Variants in CEP43 observed in about 807,000 individuals in gnomAD.
The protein encoded by CEP43 is centrosomal protein 43.
CEP43 carries 36 observed loss-of-function variants against 52.6 expected under a neutral mutation model. The ratio of observed to expected loss-of-function variants is 0.68; its 90% CI spans 0.52 to 0.90. The LOEUF (loss-of-function observed/expected upper bound fraction) is 0.90, where lower values mean the gene tolerates loss of function less well. CEP43 is among the 40% of genes least tolerant of loss of function. The pLI is 0.00. For missense variants in CEP43, 506 were observed against 472.8 expected, an observed-to-expected ratio of 1.07 and a Z score of -0.65; for synonymous variants, 192 against 172.4, an observed-to-expected ratio of 1.11 and a Z score of -0.89.
rs1297966234 is a variant in CEP43 at position 167,041,560 on chromosome 6, C to T, written c.*1582C>T. Reference sequence around the variant, plus strand: ...AGTCATCTCTGTAAACAGTCACTTTCTAAAAGCACTATAGTTCTGGTCCCC... The same window carrying T: ...AGTCATCTCTGTAAACAGTCACTTTTTAAAAGCACTATAGTTCTGGTCCCC... On this transcript the variant is annotated 3_prime_UTR_variant, in exon 13 of 13. Coordinates refer to ENST00000366847, the MANE Select transcript of CEP43 (RefSeq NM_007045.4). 9.5e-6 allele frequency: 10 copies of T among 1,049,858 alleles called. No homozygotes were observed. The highest frequency in any genetic ancestry group is 1.2e-5 in the Non-Finnish European group (10 of 869,566). 65.0% of individuals were successfully genotyped at this position (1,049,858 alleles called of 1,614,324 possible). A position where few individuals can be genotyped will look rare whatever the true frequency, so the allele number is the denominator to read the frequency against.
Position 167,044,424 on chromosome 6 carries a change from A to G in CEP43, c.*4446A>G. 1 of 985,418 alleles carries G rather than the reference A, an allele frequency of 1.0e-6. No homozygotes were observed. The highest frequency in any genetic ancestry group is 1.2e-6 in the Non-Finnish European group (1 of 829,920). 61.0% of individuals were successfully genotyped at this position (985,418 alleles called of 1,614,324 possible). On this transcript the variant is annotated 3_prime_UTR_variant, in exon 13 of 13. Coordinates refer to ENST00000366847, the MANE Select transcript of CEP43 (RefSeq NM_007045.4). ...GTTTAGCAAGAAGACCAAGATGACA[A>G]GATGCGCCAGGAGACTTGGCCAGAG...
Position 167,010,882 on chromosome 6 carries a change from A to T in CEP43, c.508A>T (p.Thr170Ser). The change falls in exon 6 of 13, where the codon ACA becomes TCA. Residue 170 changes from threonine to serine, a missense_variant. Physicochemically the swap from Thr to Ser is moderately conservative, Grantham distance 58 (BLOSUM62 1). Coordinates refer to ENST00000366847, the MANE Select transcript of CEP43 (RefSeq NM_007045.4). ...AGAGGGAAAAACAAGTGCACAGACA[A>T]CACCAAGTAAGGTGAGTTAGCTGTG... Reference protein sequence around the residue: ...SPEGKTSAQTTPSKIPRYKGQ... With the variant: ...SPEGKTSAQTSPSKIPRYKGQ... 6.3e-7 allele frequency: 1 copy of T among 1,594,710 alleles called. No homozygotes were observed. The highest frequency in any genetic ancestry group is 8.5e-7 in the Non-Finnish European group (1 of 1,170,284).
At position 167,048,678 on chromosome 6, in the gene CEP43, C is replaced by A. The variant is rs537565277; in HGVS notation, c.*8700C>A. On this transcript the variant is annotated 3_prime_UTR_variant, in exon 13 of 13. Transcript: ENST00000366847. ...AATTACTGAAGGGGAAGACACCATG[C>A]AAATACATGGTAAAAATATTCAAAT... 38 of 152,236 alleles carry A rather than the reference C, an allele frequency of 2.5e-4. No homozygotes were observed. Among genetic ancestry groups the A allele is most frequent in the African/African-American group, 8.9e-4 (37 of 41,536 alleles). 9.4% of individuals were successfully genotyped at this position (152,236 alleles called of 1,614,324 possible). A position where few individuals can be genotyped will look rare whatever the true frequency, so the allele number is the denominator to read the frequency against.
rs1292071936 is a variant in CEP43, at chr6:167,041,041, A to G, written c.*1063A>G. 1 of 1,030,338 alleles carries G rather than the reference A, an allele frequency of 9.7e-7. No homozygotes were observed. Among genetic ancestry groups the G allele is most frequent in the East Asian group, 6.2e-5 (1 of 16,192 alleles). 63.8% of individuals were successfully genotyped at this position (1,030,338 alleles called of 1,614,324 possible). A position where few individuals can be genotyped will look rare whatever the true frequency, so the allele number is the denominator to read the frequency against. On this transcript the variant is annotated 3_prime_UTR_variant, in exon 13 of 13. Coordinates refer to ENST00000366847, the MANE Select transcript of CEP43 (RefSeq NM_007045.4). ...TAGAAAAAACAGTAGAAAGTGATGC[A>G]TGCATATTTATATATAAGTAAAGCA...
intron 5 of CEP43, 62 bp downstream of exon 5, chr6:167,004,463 C>A: frequency 7.1e-7 from 1 of 1,406,830 alleles, no homozygotes; most frequent in Non-Finnish European, 9.6e-7. Flanking sequence ...TTTAGCCATG[C>A]AGATTAGTGC....
chr6:167,041,106 T>C lies in CEP43; in HGVS notation c.*1128T>C. 6 of 1,041,188 alleles carry C rather than the reference T, an allele frequency of 5.8e-6. No homozygotes were observed. Among genetic ancestry groups the C allele is most frequent in the Non-Finnish European group, 5.8e-6 (5 of 864,098 alleles). The allele number at this position is 1,041,188 out of a possible 1,614,324, so 64.5% of individuals were successfully genotyped here. ...TTGCACTTTATAATTTCAATTAAGTTGCGGCTTTTTACTACAAGTTAACTT... is the reference window on the plus strand; with the variant it reads ...TTGCACTTTATAATTTCAATTAAGTCGCGGCTTTTTACTACAAGTTAACTT... On this transcript the variant is annotated 3_prime_UTR_variant, in exon 13 of 13. Coordinates refer to ENST00000366847, the MANE Select transcript of CEP43 (RefSeq NM_007045.4).
rs576046562 is a variant in CEP43, at chr6:167,003,174, A to AT, written c.157-6dup. 0.067 allele frequency: 58,498 copies of AT among 866,972 alleles called. 3 individuals are homozygous for AT. The highest frequency in any genetic ancestry group is 0.08 in the South Asian group (3,962 of 49,820). 53.7% of individuals were successfully genotyped at this position (866,972 alleles called of 1,614,324 possible). A position where few individuals can be genotyped will look rare whatever the true frequency, so the allele number is the denominator to read the frequency against. ...TTTAGGGTAAACACATGACACTTAA[A>AT]TTTTTTTTTTTTTAACAGAACAAAA... On this transcript the variant is annotated intron_variant, in intron 2 of 12. Coordinates refer to ENST00000366847, the MANE Select transcript of CEP43 (RefSeq NM_007045.4).
chr6:167,005,731 A>G (rs73026210), intron 5 of CEP43, among the ~76,000 whole-genome samples: 2,613 of 152,332 alleles, frequency 0.017, 43 homozygotes, highest in East Asian at 0.091. Flanking sequence ...CTGGGCAATC[A>G]AAAACAAACT....
chr6:167,012,639 T>A (rs1161879438), intron 6 of CEP43, among the ~76,000 whole-genome samples: 5 of 152,216 alleles, frequency 3.3e-5, no homozygotes, highest in Non-Finnish European at 7.3e-5. Context: ...AACCTATATA[T>A]AATGTATGTC....
intron 12 of CEP43, among the ~76,000 whole-genome samples, chr6:167,038,166 AGATAT>A (rs1273824597): frequency 6.6e-6 from 1 of 152,252 alleles, no homozygotes; most frequent in Non-Finnish European, 1.5e-5. Context: ...ACAAATGAAT[AGATAT>A]AAGTTGGTTA....
In CEP43 at chr6:167,041,837, CGGGG is replaced by C; in HGVS notation, c.*1863_*1866del. 32 of 39,024 alleles carry C rather than the reference CGGGG, an allele frequency of 8.2e-4. No individual in the cohort carries two copies. Among genetic ancestry groups the C allele is most frequent in the South Asian group, 1.1e-3 (1 of 896 alleles). 2.4% of individuals were successfully genotyped at this position (39,024 alleles called of 1,614,324 possible). ...ACATACATCTTTTTTTTGCGGGGGGCGGGGGGGACAGAGTCTCACTGTGTCACTC... is the reference window on the plus strand; with the variant it reads ...ACATACATCTTTTTTTTGCGGGGGGCGGGACAGAGTCTCACTGTGTCACTC... On this transcript the variant is annotated 3_prime_UTR_variant, in exon 13 of 13. Transcript: ENST00000366847.
intron 1 of CEP43, 127 bp downstream of exon 1, chr6:166,999,641 CG>C (rs1779679404): frequency 1.6e-6 from 1 of 617,348 alleles, no homozygotes; most frequent in Non-Finnish European, 2.5e-6. Flanking sequence ...GCACTGGGGG[CG>C]CGCCCCGGCA....
chr6:167,027,051 T>C (rs1371578238), intron 10 of CEP43, among the ~76,000 whole-genome samples: 1 of 152,210 alleles, frequency 6.6e-6, no homozygotes, highest in Non-Finnish European at 1.5e-5. Context: ...CAGTTCAGAC[T>C]GAGAAAAATT....
chr6:167,009,548 C>T (rs984614742), intron 5 of CEP43, among the ~76,000 whole-genome samples: 17 of 135,490 alleles, frequency 1.3e-4, no homozygotes, highest in East Asian at 4.3e-4. Flanking sequence ...ATTAGCTGGG[C>T]GTGGTACTCG....
chr6:167,038,313 T>TTCAGCCTCCAAAAGGAC (rs147096477), intron 12 of CEP43, among the ~76,000 whole-genome samples: 3,082 of 152,330 alleles, frequency 0.02, 51 homozygotes, highest in East Asian at 0.091. Flanking sequence ...CTGTTTTCAC[T>TTCAGCCTCCAAAAGGAC]TCATGATCTG....
chr6:167,021,890 G>A (rs1370816584), intron 7 of CEP43, among the ~76,000 whole-genome samples: 1 of 152,164 alleles, frequency 6.6e-6, no homozygotes, highest in African/African-American at 2.4e-5. Flanking sequence ...TTTAGCACTG[G>A]ATAGAAAATT....
chr6:167,023,985 T>G (rs1401624417), intron 8 of CEP43, among the ~76,000 whole-genome samples: 1 of 151,828 alleles, frequency 6.6e-6, no homozygotes, highest in Non-Finnish European at 1.5e-5. Context: ...CTGAAAAACG[T>G]GTTTAGGTGG....
At chr6:167,003,309 G>A in intron 3 of CEP43, 62 bp downstream of exon 3, 1 of 914,848 alleles carries the variant, frequency 1.1e-6, no homozygotes, top group East Asian at 2.7e-5. Flanking sequence ...GATACCATTT[G>A]GGAGAAATCA....
At chr6:167,032,806 A>G (rs1780499745) in intron 11 of CEP43, among the ~76,000 whole-genome samples, 164 bp downstream of exon 11, 1 of 152,222 alleles carries the variant, frequency 6.6e-6, no homozygotes, top group African/African-American at 2.4e-5. Context: ...AAAATTAAAT[A>G]TTTGATTTTA....
Sources: gnomAD v4.1 joint callset for allele counts (sites outside exome capture counted in the v4.1 genomes callset) on GRCh38, gnomAD v4.1.1 for gene constraint, MANE v1.5 for transcripts, NCBI Gene and HGNC (gene_info 2026-07-23, HGNC 2026-07-21) for gene names.